Variants in PTK2B observed in about 807,000 individuals in gnomAD.
PTK2B encodes the protein protein-tyrosine kinase 2-beta.
A neutral mutation model predicts 142.9 loss-of-function variants in PTK2B; 71 were observed. The observed-to-expected ratio is 0.50, with a 90% CI of 0.41 to 0.61. The LOEUF (loss-of-function observed/expected upper bound fraction) is 0.61, where lower values mean the gene tolerates loss of function less well. Among genes scored for constraint, PTK2B ranks in the 20% least tolerant of loss-of-function variants. The probability of loss-of-function intolerance (pLI) is 0.00; values close to 1 mark genes in which losing one functional copy is unlikely to be tolerated. For synonymous variants in PTK2B, 519 were observed against 503.4 expected, an observed-to-expected ratio of 1.03 and a Z score of -0.42; for missense variants, 1,105 against 1,320.4, an observed-to-expected ratio of 0.84 and a Z score of 2.53.
intron 1 of PTK2B, among the ~76,000 whole-genome samples, chr8:27,335,614 A>AT (rs1472330714): frequency 6.7e-6 from 1 of 150,208 alleles, no homozygotes; most frequent in African/African-American, 2.5e-5. Context: ...AAAAAAAAAA[A>AT]GAGAAAAGAA....
chr8:27,379,953 G>T (rs954242659), intron 1 of PTK2B, among the ~76,000 whole-genome samples: 1 of 152,122 alleles, frequency 6.6e-6, no homozygotes, highest in East Asian at 1.9e-4. Context: ...TGTTGCCCAG[G>T]GTGGTTTCGA....
rs892246343 is a variant in PTK2B, at chr8:27,458,864, C to T, written c.*355C>T. ...AGCTTTATATATGGACATGGCAGGC[C>T]GATTTGGGAACCAAGCTATTCCTTT... is the stretch of plus-strand genomic sequence containing the variant. On this transcript the variant is annotated 3_prime_UTR_variant, in exon 31 of 31. Coordinates refer to ENST00000346049, the MANE Select transcript of PTK2B (RefSeq NM_173176.3). 1.8e-5 allele frequency: 7 copies of T among 389,146 alleles called. No homozygotes were observed. The highest frequency in any genetic ancestry group is 8.1e-5 in the African/African-American group (4 of 49,480). The allele number at this position is 389,146 out of a possible 1,614,324, so 24.1% of individuals were successfully genotyped here. A position where few individuals can be genotyped will look rare whatever the true frequency, so the allele number is the denominator to read the frequency against.
chr8:27,395,891 T>G (rs1297495596), intron 1 of PTK2B, among the ~76,000 whole-genome samples: 2 of 152,214 alleles, frequency 1.3e-5, no homozygotes, highest in African/African-American at 4.8e-5. Flanking sequence ...GGGTTACATC[T>G]TCACTACATA....
chr8:27,430,758 G>A (rs953664329), intron 7 of PTK2B, 118 bp from the exon 8 acceptor site: 10 of 1,389,536 alleles, frequency 7.2e-6, no homozygotes, highest in African/African-American at 1.4e-5. Flanking sequence ...GCTGCTTTTG[G>A]GGCAAAGGCC....
intron 2 of PTK2B, among the ~76,000 whole-genome samples, chr8:27,409,395 G>A (rs763230708): frequency 1.3e-5 from 2 of 152,146 alleles, no homozygotes; most frequent in Non-Finnish European, 2.9e-5. Flanking sequence ...AAAGGACAAG[G>A]GGGAGAGGGG....
intron 1 of PTK2B, among the ~76,000 whole-genome samples, chr8:27,369,504 T>C (rs1216149676): frequency 1.3e-5 from 2 of 151,546 alleles, no homozygotes; most frequent in East Asian, 3.9e-4. Flanking sequence ...ACCCCATCTC[T>C]ACTAAAAATA....
chr8:27,310,692 G>A, upstream of PTK2B: 1 of 1,284,440 alleles, frequency 7.8e-7, no homozygotes, highest in Non-Finnish European at 1.1e-6. Flanking sequence ...CTGGGAGCGA[G>A]ACGCGGGCAC....
At chr8:27,437,661 T>G in intron 17 of PTK2B, 104 bp from the exon 18 acceptor site, 1 of 1,295,316 alleles carries the variant, frequency 7.7e-7, no homozygotes, top group South Asian at 1.3e-5. Context: ...TGGGTTTGTC[T>G]CCCACCGCCC....
intron 1 of PTK2B, among the ~76,000 whole-genome samples, chr8:27,343,938 G>A (rs1271039462): frequency 5.9e-5 from 9 of 152,120 alleles, no homozygotes; most frequent in Admixed American, 5.9e-4. Context: ...AGGAGGCGGA[G>A]CTTGCAGTGA....
At chr8:27,442,818 C>T in intron 21 of PTK2B, 57 bp from the exon 22 acceptor site, 2 of 1,473,424 alleles carry the variant, frequency 1.4e-6, no homozygotes, top group Non-Finnish European at 1.9e-6. Flanking sequence ...AGAGGAGCCC[C>T]AAGGAGCGTC....
rs771052962 is a variant in PTK2B, at chr8:27,437,752, C to A, written c.1528-13C>A. ...CAACCAGGGGTCTTGATGGCACCTC[C>A]CCATTCCTGCAGCTGGGCCACTACC... On this transcript the variant is annotated splice_polypyrimidine_tract_variant and intron_variant, in intron 17 of 30. Coordinates refer to ENST00000346049, the MANE Select transcript of PTK2B (RefSeq NM_173176.3). 1.2e-6 allele frequency: 2 copies of A among 1,602,872 alleles called. No individual in the cohort carries two copies. Among genetic ancestry groups the A allele is most frequent in the South Asian group, 1.1e-5 (1 of 88,844 alleles).
chr8:27,392,852 G>C (rs1807809899), intron 1 of PTK2B, among the ~76,000 whole-genome samples: 1 of 152,170 alleles, frequency 6.6e-6, no homozygotes, highest in South Asian at 2.1e-4. Flanking sequence ...TCCTGGGCCT[G>C]AGGCTTTTGA....
upstream of PTK2B, among the ~76,000 whole-genome samples, chr8:27,323,589 G>A (rs1390909918): frequency 2.0e-5 from 3 of 152,140 alleles, no homozygotes; most frequent in Non-Finnish European, 2.9e-5. Flanking sequence ...GTGTCTTTTA[G>A]GGATTTCCAT....
At chr8:27,325,302 G>A (rs1298832012), upstream of PTK2B, 1 of 152,182 alleles carries the variant, frequency 6.6e-6, no homozygotes, top group Non-Finnish European at 1.5e-5. Context: ...TAGGAATTGG[G>A]GAGTTAACTG....
At chr8:27,334,231 C>G (rs757957995) in intron 1 of PTK2B, among the ~76,000 whole-genome samples, 2 of 152,148 alleles carry the variant, frequency 1.3e-5, no homozygotes, top group Admixed American at 1.3e-4. Flanking sequence ...TCTCTGGTTC[C>G]CTTGGAAGCT....
intron 2 of PTK2B, among the ~76,000 whole-genome samples, chr8:27,404,176 C>G (rs889466731): frequency 6.6e-5 from 10 of 152,170 alleles, no homozygotes; most frequent in African/African-American, 2.4e-4. Context: ...TCTCCTCTCC[C>G]TGCCTGGCAC....
chr8:27,371,471 G>C (rs941364042), intron 1 of PTK2B, among the ~76,000 whole-genome samples: 1 of 151,854 alleles, frequency 6.6e-6, no homozygotes, highest in Non-Finnish European at 1.5e-5. Context: ...ACCTTGGGCT[G>C]GTTATTTATT....
chr8:27,416,071 C>T (rs1015481908), intron 2 of PTK2B, among the ~76,000 whole-genome samples: 1 of 152,034 alleles, frequency 6.6e-6, no homozygotes, highest in African/African-American at 2.4e-5. Flanking sequence ...GACCCAAACT[C>T]TATAAAAATT....
At chr8:27,430,570 C>A in intron 7 of PTK2B, 152 bp downstream of exon 7, 2 of 1,071,390 alleles carry the variant, frequency 1.9e-6, no homozygotes, top group Non-Finnish European at 2.8e-6. Flanking sequence ...ACCCAGGGGT[C>A]CTCTCTGGGG....
Sources: allele counts gnomAD v4.1 joint callset (sites outside exome capture counted in the v4.1 genomes callset), GRCh38; gene constraint gnomAD v4.1.1; transcripts MANE v1.5; gene names NCBI Gene and HGNC (gene_info 2026-07-23, HGNC 2026-07-21).